The following ZNF320 variants were observed in gnomAD, a reference collection of about 807,000 sequenced individuals.
ZNF320 encodes zinc finger protein 320.
A neutral mutation model predicts 6.8 loss-of-function variants in ZNF320; 2 were observed. That is an observed-to-expected ratio of 0.29 (90% CI 0.12 to 0.93). The LOEUF (loss-of-function observed/expected upper bound fraction) is 0.93, where lower values mean the gene tolerates loss of function less well. Ranked by LOEUF, ZNF320 falls within the 40% of genes least tolerant of loss-of-function variation. The pLI is 0.55. For missense variants in ZNF320, 472 were observed against 611.0 expected (o/e 0.77, Z 2.40); for synonymous variants, 208 against 203.2 (o/e 1.02, Z -0.20).
intron 1 of ZNF320, among the ~76,000 whole-genome samples, chr19:52,896,225 G>A (rs2147903199): frequency 6.6e-6 from 1 of 152,126 alleles, no homozygotes; most frequent in Middle Eastern, 3.4e-3. Context: ...CTGAGTAGCT[G>A]GGATTACAGG....
In ZNF320 at chr19:52,890,211, C is replaced by T. The variant is rs200758110; in HGVS notation, c.15+30G>A. Reference sequence around the variant, plus strand: ...GCCAGCATTTCTGAAAGGAAGGAGACAGAACAATCCACCGAGAATATCATC... The same window carrying T: ...GCCAGCATTTCTGAAAGGAAGGAGATAGAACAATCCACCGAGAATATCATC... On this transcript the variant is annotated intron_variant, in intron 4 of 5. Transcript: ENST00000682928. 1,042 of 1,605,476 alleles carry T rather than the reference C, an allele frequency of 6.5e-4. 1 individual carries two copies. Among genetic ancestry groups the T allele is most frequent in the Non-Finnish European group, 8.7e-4 (1,020 of 1,178,790 alleles).
At chr19:52,861,043 A>C (rs553104263) in exon 6 of ZNF320, among the ~76,000 whole-genome samples, 69 of 152,206 alleles carry the variant, frequency 4.5e-4, no homozygotes, top group Admixed American at 9.2e-4. Flanking sequence ...CAAAAACGAA[A>C]ACTCATCCAA....
At chr19:52,887,007 A>AAGGAAGGAAGGAAGG (rs775287918) in intron 5 of ZNF320, among the ~76,000 whole-genome samples, 1 of 81,704 alleles carries the variant, frequency 1.2e-5, no homozygotes, top group East Asian at 2.3e-4. Context: ...GGAAGGAAGG[A>AAGGAAGGAAGGAAGG]AAAGAAAAAA....
chr19:52,898,837 C>T (rs184657433), upstream of ZNF320, among the ~76,000 whole-genome samples: 650 of 152,296 alleles, frequency 4.3e-3, 8 homozygotes, highest in African/African-American at 0.015. Flanking sequence ...GGTTCTAAGC[C>T]ATAAGTTGAT....
At chr19:52,895,862 C>G (rs1020850246) in intron 1 of ZNF320, 2 of 151,172 alleles carry the variant, frequency 1.3e-5, no homozygotes, top group Non-Finnish European at 2.9e-5. Context: ...TTATCAGGTA[C>G]TAGTAAATGC....
downstream of ZNF320, among the ~76,000 whole-genome samples, chr19:52,875,940 C>A (rs2063757862): frequency 6.6e-6 from 1 of 151,930 alleles, no homozygotes; most frequent in African/African-American, 2.4e-5. Context: ...ATTATGAATC[C>A]CTAGCTATAG....
chr19:52,864,002 T>C (rs1201865050), exon 6 of ZNF320: 2 of 467,328 alleles, frequency 4.3e-6, no homozygotes, highest in African/African-American at 2.1e-5. Flanking sequence ...CAAGGACAGA[T>C]TCTTCATGTC....
chr19:52,880,854 G>C lies in ZNF320; in HGVS notation c.1272C>G (p.Arg424=), dbSNP rs776730042. The part of the protein sequence containing the change: ...ECEECDKVYI[R]KSHLERHRRI... ...TCCTATGTCTTTCAAGGTGTGATTT[G>C]CGAATGTAAACTTTGTCACATTCTT... The change falls in exon 6 of 6, where the codon CGC becomes CGG. Residue 424 remains arginine (R), a synonymous_variant. Transcript: ENST00000682928. 6.2e-7 allele frequency: 1 copy of C among 1,613,922 alleles called. No homozygotes were observed. Among genetic ancestry groups the C allele is most frequent in the Non-Finnish European group, 8.5e-7 (1 of 1,179,864 alleles).
At chr19:52,888,592 G>GC (rs1222786412) in intron 4 of ZNF320, among the ~76,000 whole-genome samples, 1 of 101,484 alleles carries the variant, frequency 9.9e-6, no homozygotes, top group African/African-American at 4.1e-5. Context: ...ATTGCACCAA[G>GC]GCATTCTAGC....
At chr19:52,888,355 A>G in intron 4 of ZNF320, 102 bp from the exon 5 acceptor site, 1 of 433,486 alleles carries the variant, frequency 2.3e-6, no homozygotes, top group East Asian at 3.2e-5. Flanking sequence ...AATTGCAGAG[A>G]ATGTTCCGAC....
At chr19:52,887,443 T>C (rs2147852868) in intron 5 of ZNF320, among the ~76,000 whole-genome samples, 1 of 152,306 alleles carries the variant, frequency 6.6e-6, no homozygotes, top group South Asian at 2.1e-4. Flanking sequence ...ATTTCACAAA[T>C]TCCTCCACTG....
intron 5 of ZNF320, among the ~76,000 whole-genome samples, chr19:52,865,910 C>T (rs1205344958): frequency 1.3e-5 from 1 of 78,928 alleles, no homozygotes; most frequent in African/African-American, 5.1e-5. Flanking sequence ...TATGATTATA[C>T]ACATATATTT....
chr19:52,868,873 G>A (rs1030503538), intron 5 of ZNF320, among the ~76,000 whole-genome samples: 7 of 152,072 alleles, frequency 4.6e-5, no homozygotes, highest in African/African-American at 7.2e-5. Flanking sequence ...ACTGATTTAG[G>A]CAGCCTCCAA....
chr19:52,887,848 A>G (rs1055449254), intron 5 of ZNF320, among the ~76,000 whole-genome samples: 16 of 152,136 alleles, frequency 1.1e-4, no homozygotes, highest in Admixed American at 2.6e-4. Flanking sequence ...CAGTCTCCCA[A>G]GGTTCTGGGA....
chr19:52,876,798 AT>A lies in ZNF320; in HGVS notation c.*3797del, dbSNP rs11288723. The A allele has an allele frequency of 0.3, 42,081 of 140,072 alleles. 6,007 individuals carry two copies. The highest frequency in any genetic ancestry group is 0.37 in the African/African-American group (14,523 of 39,310). The allele number at this position is 140,072 out of a possible 1,614,324, so 8.7% of individuals were successfully genotyped here. A position where few individuals can be genotyped will look rare whatever the true frequency, so the allele number is the denominator to read the frequency against. On this transcript the variant is annotated 3_prime_UTR_variant, in exon 6 of 6. Transcript: ENST00000682928. ...AGGCATGAGCCAGAGCACCTGGTCT[AT>A]TTTTTTTTTTTTAAATTAAGAAACA...
Position 52,887,872 on chromosome 19 carries a change from C to G in ZNF320, c.142+255G>C, listed in dbSNP as rs148588199. Among the ~76,000 whole-genome samples, 1,199 of 152,246 alleles carry G rather than the reference C, an allele frequency of 7.9e-3. 16 individuals carry two copies. Among genetic ancestry groups the G allele is most frequent in the African/African-American group, 0.026 (1,099 of 41,556 alleles). ...AAGGTTCTGGGATGACAGGCATGAA[C>G]CACCATGCCCAGCTTGCCATAAGGT... On this transcript the variant is annotated intron_variant, in intron 5 of 5. Coordinates refer to ENST00000682928, the MANE Select transcript of ZNF320 (RefSeq NM_001351774.2).
At chr19:52,889,543 A>C (rs1286326436) in intron 4 of ZNF320, among the ~76,000 whole-genome samples, 1 of 152,132 alleles carries the variant, frequency 6.6e-6, no homozygotes, top group Non-Finnish European at 1.5e-5. Context: ...ATTTGAGAAA[A>C]ATTGTAACCA....
At chr19:52,876,139 T>C (rs1316765920), downstream of ZNF320, 1 of 152,172 alleles carries the variant, frequency 6.6e-6, no homozygotes, top group Non-Finnish European at 1.5e-5. Context: ...CAGCTCACCA[T>C]TTAATTAGAT....
rs905347251 is a variant in ZNF320 at position 52,879,511 on chromosome 19, T to C, written c.*1085A>G. The C allele has an allele frequency of 1.9e-5, 3 of 154,472 alleles. No individual in the cohort carries two copies. Among genetic ancestry groups the C allele is most frequent in the African/African-American group, 7.2e-5 (3 of 41,426 alleles). 9.6% of individuals were successfully genotyped at this position (154,472 alleles called of 1,614,324 possible). ...AGCAGAAATAACCAGTCAGGGAAAA[T>C]GGAATGCTTTTCCTGTAGGATCTCA... On this transcript the variant is annotated 3_prime_UTR_variant, in exon 6 of 6. Coordinates refer to ENST00000682928, the MANE Select transcript of ZNF320 (RefSeq NM_001351774.2).
Sources: allele counts gnomAD v4.1 joint callset (sites outside exome capture counted in the v4.1 genomes callset), GRCh38; gene constraint gnomAD v4.1.1; transcripts MANE v1.5; gene names NCBI Gene and HGNC (gene_info 2026-07-23, HGNC 2026-07-21).